Variants in HERC2 observed in about 807,000 individuals in gnomAD.
The protein encoded by HERC2 is HECT and RLD domain containing E3 ubiquitin protein ligase 2.
HERC2 carries 102 observed loss-of-function variants against 537.7 expected under a neutral mutation model. The observed-to-expected ratio is 0.19, with a 90% CI of 0.16 to 0.22. The LOEUF (loss-of-function observed/expected upper bound fraction) is 0.22, where lower values mean the gene tolerates loss of function less well. Among genes scored for constraint, HERC2 ranks in the 10% least tolerant of loss-of-function variants. The probability of loss-of-function intolerance (pLI) is 1.00; values close to 1 mark genes in which losing one functional copy is unlikely to be tolerated. For missense variants in HERC2, 4,236 were observed against 6,198.2 expected, an observed-to-expected ratio of 0.68 and a Z score of 10.63; for synonymous variants, 2,224 against 2,466.2, an observed-to-expected ratio of 0.90 and a Z score of 2.91.
Position 28,163,264 on chromosome 15 carries a change from C to T in HERC2, c.10576G>A (p.Ala3526Thr), listed in dbSNP as rs765652137. 4 of 1,613,306 alleles carry T rather than the reference C, an allele frequency of 2.5e-6. No individual in the cohort carries two copies. The highest frequency in any genetic ancestry group is 3.4e-6 in the Non-Finnish European group (4 of 1,179,930). Residue 3526 changes from alanine to threonine, a missense_variant, in exon 69 of 93, where the codon GCA becomes ACA. By Grantham distance (58) the Ala-to-Thr change is moderately conservative (BLOSUM62 0). Transcript: ENST00000261609. The part of the protein sequence containing the change: ...TKEDVESQNK[A>T]AGPEPQALDE... ...AAGGCCTGAGGCTCCGGACCTGCTG[C>T]TTTATTTTGGCTTTCAACATCCTAA...
rs2075645830 is a variant in HERC2, at chr15:28,268,983, C to T, written c.1446+265G>A. ...TCACCTGTCACCTGTCTGGCCCCAA[C>T]GTCAAATGAGTTTACACGTGGAAAT... On this transcript the variant is annotated intron_variant, in intron 11 of 92. Transcript: ENST00000261609. The surrounding 1 kb of genome is among the most constrained non-coding windows in gnomAD (Gnocchi z 4.7). Among the ~76,000 whole-genome samples, 1 of 152,170 alleles carries T rather than the reference C, an allele frequency of 6.6e-6. No individual in the cohort carries two copies. The highest frequency in any genetic ancestry group is 1.5e-5 in the Non-Finnish European group (1 of 68,030).
At position 28,202,520 on chromosome 15, in the gene HERC2, G is replaced by A. The variant is rs1208783423; in HGVS notation, c.7307C>T (p.Thr2436Met). 10 of 1,181,044 alleles carry A rather than the reference G, an allele frequency of 8.5e-6. No individual in the cohort carries two copies. The East Asian group carries it at 1.2e-4, about 15-fold the overall frequency. The allele number at this position is 1,181,044 out of a possible 1,614,324, so 73.2% of individuals were successfully genotyped here. ...FEDCSSSEAT[T>M]PVAVQHIRPA... The stretch of plus-strand genomic sequence containing the variant: ...GCGGATGTGCTGCACGGCGACAGGC[G>A]TGGTGGCCTCACTGGAGCTGCAGTC... Residue 2436 changes from threonine (T) to methionine (M), a missense_variant, in exon 46 of 93, where the codon ACG (threonine) becomes ATG (methionine). Transcript: ENST00000261609.
chr15:28,283,062 A>T (rs2076066754), intron 4 of HERC2, among the ~76,000 whole-genome samples: 1 of 141,360 alleles, frequency 7.1e-6, no homozygotes, highest in Non-Finnish European at 1.5e-5. Context: ...AAAAAAAACC[A>T]GTCTTGGGGA....
intron 2 of HERC2, among the ~76,000 whole-genome samples, chr15:28,312,452 G>A (rs1344878514): frequency 6.6e-6 from 1 of 152,294 alleles, no homozygotes; most frequent in Non-Finnish European, 1.5e-5. Context: ...GGGCAACATG[G>A]TAAGACCGTG....
Position 28,201,346 on chromosome 15 carries a change from G to T in HERC2, c.7716+110C>A. The T allele has an allele frequency of 5.6e-6, 4 of 720,082 alleles. No individual in the cohort carries two copies. In the South Asian group the frequency reaches 6.6e-5, roughly 12 times the overall value. The allele number at this position is 720,082 out of a possible 1,614,324, so 44.6% of individuals were successfully genotyped here. A position where few individuals can be genotyped will look rare whatever the true frequency, so the allele number is the denominator to read the frequency against. ...TATGTCTTCCAGCACCAGAAGGCAG[G>T]CTCCCTGAGGGCAGGGGCCTCTGTC... is the stretch of plus-strand genomic sequence containing the variant. On this transcript the variant is annotated intron_variant, in intron 48 of 92. Coordinates refer to ENST00000261609, the MANE Select transcript of HERC2 (RefSeq NM_004667.6).
At chr15:28,304,783 A>G (rs1313536140) in intron 2 of HERC2, among the ~76,000 whole-genome samples, 2 of 132,964 alleles carry the variant, frequency 1.5e-5, no homozygotes, top group Non-Finnish European at 3.2e-5. Flanking sequence ...ATATGTATAC[A>G]TGTGCCATGC....
At chr15:28,195,456 G>A (rs1164171303) in intron 52 of HERC2, among the ~76,000 whole-genome samples, 1 of 152,106 alleles carries the variant, frequency 6.6e-6, no homozygotes, top group Non-Finnish European at 1.5e-5. Flanking sequence ...CTGAGACTCT[G>A]TCTCACAAAG....
chr15:28,237,101 T>A lies in HERC2; in HGVS notation c.3865A>T (p.Ile1289Phe). The A allele has an allele frequency of 6.4e-7, 1 of 1,563,022 alleles. No individual in the cohort carries two copies. Among genetic ancestry groups the A allele is most frequent in the Non-Finnish European group, 8.8e-7 (1 of 1,135,188 alleles). Residue 1289 changes from isoleucine (I) to phenylalanine (F), a missense_variant, in exon 26 of 93, where the codon ATC (isoleucine) becomes TTC (phenylalanine). Ile to Phe is a conservative substitution (Grantham distance 21). Transcript: ENST00000261609. The stretch of plus-strand genomic sequence containing the variant: ...CTCCCCAGATCTGGTATGGTGACGA[T>A]TTCTTGGTCAGGCTGGAAAAATAAA... Reference protein sequence around the residue: ...VGQYLEPDQEIVTIPDLGSLS... With the variant: ...VGQYLEPDQEFVTIPDLGSLS...
At position 28,135,521 on chromosome 15, in the gene HERC2, A is replaced by AAG; in HGVS notation, c.12185_12186dup (p.Trp4063LeufsTer27). The AAG allele has an allele frequency of 6.2e-7, 1 of 1,614,196 alleles. No individual in the cohort carries two copies. On this transcript the variant is annotated frameshift_variant, in exon 79 of 93. Coordinates refer to ENST00000261609, the MANE Select transcript of HERC2 (RefSeq NM_004667.6). LOFTEE classifies it high-confidence loss of function. Reference sequence around the variant, plus strand: ...AACTTCCCATCTTCTGCCTCACCCCAAGAGTAAACTTCTCCTTCTGAAGAC... The same window carrying AAG: ...AACTTCCCATCTTCTGCCTCACCCCAAGAGAGTAAACTTCTCCTTCTGAAGAC...
rs1372543189 is a variant in HERC2 at position 28,288,779 on chromosome 15, G to GTGGC, written c.322+4108_322+4109insGCCA. ...AGGAGACTCGCTTGAACCCACGTGG[G>GTGGC]GGAGGTTGCAGTGAGCTGAGATTGT... On this transcript the variant is annotated intron_variant, in intron 4 of 92. Transcript: ENST00000261609. Among the ~76,000 whole-genome samples, 398 of 151,198 alleles carry GTGGC rather than the reference G, an allele frequency of 2.6e-3. 1 individual carries two copies. Among genetic ancestry groups the GTGGC allele is most frequent in the East Asian group, 8.2e-3 (42 of 5,142 alleles).
chr15:28,129,780 CTTT>C (rs36068402), intron 83 of HERC2, among the ~76,000 whole-genome samples: 1 of 143,548 alleles, frequency 7.0e-6, no homozygotes. Flanking sequence ...CCTCTGCCTC[CTTT>C]TTTTTTTTTT....
At chr15:28,291,078 G>C (rs2076297484) in intron 4 of HERC2, among the ~76,000 whole-genome samples, 1 of 152,220 alleles carries the variant, frequency 6.6e-6, no homozygotes, top group Admixed American at 6.5e-5. Flanking sequence ...CGGAAAGAGA[G>C]AAAATACAAG....
chr15:28,319,424 T>C (rs1485941581), intron 2 of HERC2, among the ~76,000 whole-genome samples: 43 of 151,064 alleles, frequency 2.8e-4, no homozygotes, highest in African/African-American at 1.0e-3. Context: ...CTACTAAAAA[T>C]ACAAAAATTA....
In HERC2 at chr15:28,132,228, T is replaced by C. The variant is rs769597016; in HGVS notation, c.12442A>G (p.Ile4148Val). ...TGGGCATCTCCACTGCCACAGGCGA[T>C]GTCAACCACACGGTGGCCCTGCAGC... Reference protein sequence around the residue: ...EALQGHRVVDIACGSGDAQTL... With the variant: ...EALQGHRVVDVACGSGDAQTL... Residue 4148 changes from isoleucine to valine, a missense_variant, in exon 81 of 93, where the codon ATC becomes GTC. Physicochemically the swap from Ile to Val is conservative, Grantham distance 29 (BLOSUM62 3). This residue lies in a region of HERC2 where 94 missense variants were observed against 137.4 expected (regional missense o/e 0.68). Coordinates refer to ENST00000261609, the MANE Select transcript of HERC2 (RefSeq NM_004667.6). 3.1e-6 allele frequency: 5 copies of C among 1,613,690 alleles called. No individual in the cohort carries two copies. The highest frequency in any genetic ancestry group is 4.2e-6 in the Non-Finnish European group (5 of 1,179,682).
At chr15:28,227,614 G>T (rs1039166510) in intron 35 of HERC2, among the ~76,000 whole-genome samples, 3 of 152,080 alleles carry the variant, frequency 2.0e-5, no homozygotes, top group Admixed American at 1.3e-4. Context: ...ACACATAGTT[G>T]TACCATATGA....
chr15:28,313,121 C>G (rs1332287016), intron 2 of HERC2, among the ~76,000 whole-genome samples: 4 of 150,350 alleles, frequency 2.7e-5, no homozygotes, highest in Admixed American at 2.0e-4. Flanking sequence ...CAGGGCAAGC[C>G]TTCACGCTCC....
chr15:28,306,395 C>T (rs1197085344), intron 2 of HERC2, among the ~76,000 whole-genome samples: 1 of 152,192 alleles, frequency 6.6e-6, no homozygotes, highest in Non-Finnish European at 1.5e-5. Flanking sequence ...TACGGTGAAC[C>T]ATCCTGGCAT....
Position 28,256,093 on chromosome 15 carries a change from G to C in HERC2, c.2742C>G (p.Cys914Trp), listed in dbSNP as rs760094386. 2 of 1,603,410 alleles carry C rather than the reference G, an allele frequency of 1.2e-6. No homozygotes were observed. The highest frequency in any genetic ancestry group is 3.3e-5 in the Admixed American group (2 of 59,948). The change falls in exon 18 of 93, where the codon TGC becomes TGG. Residue 914 changes from cysteine (C) to tryptophan (W), a missense_variant. Cys to Trp is a radical substitution (Grantham distance 215). Coordinates refer to ENST00000261609, the MANE Select transcript of HERC2 (RefSeq NM_004667.6). The part of the protein sequence containing the change: ...RARALSALLP[C>W]AVSGNEVNIS... ...CTGTTCCTTCCCCAGGCCCACCTGCGCAGGGCAGGAGAGCAGAGAGTGCCC... is the reference window on the plus strand; with the variant it reads ...CTGTTCCTTCCCCAGGCCCACCTGCCCAGGGCAGGAGAGCAGAGAGTGCCC...
In HERC2 at chr15:28,191,233, A is replaced by G. The variant is rs1490159101; in HGVS notation, c.8463T>C (p.Arg2821=). ...CAAGAACATCTGGGAAAATCTCCAAACGAATCCAGTGCTTTAGAAAAACAA... is the reference window on the plus strand; with the variant it reads ...CAAGAACATCTGGGAAAATCTCCAAGCGAATCCAGTGCTTTAGAAAAACAA... ...SSGSQGKHWI[R]LEIFPDVLVH... Residue 2821 remains arginine (R), a synonymous_variant, in exon 54 of 93, where the codon CGT becomes CGC. Transcript: ENST00000261609. 2 of 1,611,166 alleles carry G rather than the reference A, an allele frequency of 1.2e-6. No homozygotes were observed. The highest frequency in any genetic ancestry group is 2.2e-5 in the South Asian group (2 of 90,210).
Sources: allele counts gnomAD v4.1 joint callset (sites outside exome capture counted in the v4.1 genomes callset), GRCh38; gene constraint gnomAD v4.1.1; regional missense constraint gnomAD v4.1.1; non-coding constraint Gnocchi (gnomAD v3.1); transcripts MANE v1.5; gene names NCBI Gene and HGNC (gene_info 2026-07-23, HGNC 2026-07-21).